The following CSGALNACT1 variants were observed in gnomAD, a reference collection of about 807,000 sequenced individuals.
The protein encoded by CSGALNACT1 is beta4GalNAcT-1.
In CSGALNACT1, 52 loss-of-function variants were observed where a neutral mutation model predicts 51.0. The observed-to-expected ratio is 1.02, with a 90% CI of 0.82 to 1.29. The LOEUF (loss-of-function observed/expected upper bound fraction) is 1.29. CSGALNACT1 is among the 50% of genes most tolerant of loss of function. The pLI is 0.00. For missense variants in CSGALNACT1, 935 were observed against 679.2 expected (o/e 1.38, Z -4.19); for synonymous variants, 341 against 254.4 (o/e 1.34, Z -3.24).
chr8:19,420,663 A>G, intron 6 of CSGALNACT1, 145 bp from the exon 6 acceptor site: 1 of 831,000 alleles, frequency 1.2e-6, no homozygotes, highest in Non-Finnish European at 2.1e-6. Flanking sequence ...AAGTTACAGA[A>G]CGGCCCAGAC....
intron 3 of CSGALNACT1, among the ~76,000 whole-genome samples, chr8:19,526,249 G>A (rs1030040536): frequency 6.6e-6 from 1 of 152,152 alleles, no homozygotes; most frequent in African/African-American, 2.4e-5. Flanking sequence ...CTTAACTAGA[G>A]GGGCAGAACA....
At chr8:19,526,483 C>T (rs772130107) in intron 3 of CSGALNACT1, among the ~76,000 whole-genome samples, 5 of 152,082 alleles carry the variant, frequency 3.3e-5, no homozygotes, top group South Asian at 4.2e-4. Flanking sequence ...CTCGGGAGAC[C>T]GAGGCAGGAT....
chr8:19,678,887 C>A (rs1197092114), intron 1 of CSGALNACT1: 1 of 152,124 alleles, frequency 6.6e-6, no homozygotes, highest in Admixed American at 6.6e-5. Flanking sequence ...GTAACTACAA[C>A]AATAATAGAA....
intron 3 of CSGALNACT1, among the ~76,000 whole-genome samples, chr8:19,566,266 T>C (rs896864055): frequency 3.9e-5 from 6 of 152,260 alleles, no homozygotes; most frequent in African/African-American, 1.4e-4. Flanking sequence ...AATGTGACCA[T>C]GATCAGAGAC....
At chr8:19,550,194 C>A (rs1432562978) in intron 3 of CSGALNACT1, among the ~76,000 whole-genome samples, 1 of 152,080 alleles carries the variant, frequency 6.6e-6, no homozygotes, top group Non-Finnish European at 1.5e-5. Flanking sequence ...TTGTGTTGCC[C>A]AGGCTGGCCT....
intron 4 of CSGALNACT1, among the ~76,000 whole-genome samples, chr8:19,485,312 T>C (rs936408238): frequency 2.0e-5 from 3 of 152,172 alleles, no homozygotes; most frequent in Admixed American, 2.0e-4. Context: ...AATCCATTAG[T>C]AAACCATGCT....
intron 2 of CSGALNACT1, among the ~76,000 whole-genome samples, chr8:19,601,510 A>C (rs992037914): frequency 6.6e-6 from 1 of 152,216 alleles, no homozygotes; most frequent in African/African-American, 2.4e-5. Flanking sequence ...CCACTCTGAG[A>C]AGAGATAAAT....
intron 4 of CSGALNACT1, among the ~76,000 whole-genome samples, chr8:19,462,354 T>C (rs1035267120): frequency 2.0e-5 from 3 of 151,874 alleles, no homozygotes; most frequent in African/African-American, 4.8e-5. Flanking sequence ...GATTTTTTTT[T>C]CCCAATGAAG....
At chr8:19,531,519 C>A (rs2082759738) in intron 3 of CSGALNACT1, among the ~76,000 whole-genome samples, 1 of 152,196 alleles carries the variant, frequency 6.6e-6, no homozygotes, top group Non-Finnish European at 1.5e-5. Flanking sequence ...GCAATGGCAT[C>A]TCCAAGTCCT....
At chr8:19,642,740 G>A (rs1411262318) in intron 1 of CSGALNACT1, among the ~76,000 whole-genome samples, 1 of 151,154 alleles carries the variant, frequency 6.6e-6, no homozygotes, top group South Asian at 2.1e-4. Context: ...GAGCTGCTGT[G>A]CTTTCACCAC....
intron 3 of CSGALNACT1, among the ~76,000 whole-genome samples, chr8:19,514,819 T>G (rs2079209217): frequency 6.6e-6 from 1 of 151,644 alleles, no homozygotes; most frequent in East Asian, 1.9e-4. Context: ...GGGGACAGAG[T>G]GAAACTCCGT....
intron 3 of CSGALNACT1, among the ~76,000 whole-genome samples, chr8:19,547,463 C>G (rs147098364): frequency 2.0e-5 from 3 of 151,856 alleles, no homozygotes; most frequent in Non-Finnish European, 2.9e-5. Flanking sequence ...CCATACTGTT[C>G]TCATGGTAAT....
intron 1 of CSGALNACT1, among the ~76,000 whole-genome samples, chr8:19,738,711 G>T (rs1032110391): frequency 6.6e-6 from 1 of 152,112 alleles, no homozygotes; most frequent in Non-Finnish European, 1.5e-5. Context: ...AAGTTTTAAA[G>T]TTAAGGGCTG....
At chr8:19,549,656 C>CTTTTTTTTTTTTTTTTTTTTTTTT (rs542956513) in intron 3 of CSGALNACT1, among the ~76,000 whole-genome samples, 1 of 83,468 alleles carries the variant, frequency 1.2e-5, no homozygotes, top group African/African-American at 4.6e-5. Context: ...CAATTTCCTA[C>CTTTTTTTTTTTTTTTTTTTTTTTT]TTTTTTTTTT....
intron 4 of CSGALNACT1, among the ~76,000 whole-genome samples, chr8:19,496,652 G>A (rs1178445886): frequency 2.6e-5 from 4 of 152,164 alleles, no homozygotes; most frequent in African/African-American, 4.8e-5. Flanking sequence ...GTGAAGTCAC[G>A]GAGCAAACAG....
intron 1 of CSGALNACT1, among the ~76,000 whole-genome samples, chr8:19,728,017 G>A (rs897746624): frequency 6.6e-6 from 1 of 152,126 alleles, no homozygotes; most frequent in South Asian, 2.1e-4. Context: ...AGTTCTACGC[G>A]CGATGCTCTG....
chr8:19,441,208 G>T (rs914333783), intron 5 of CSGALNACT1, among the ~76,000 whole-genome samples: 1 of 152,016 alleles, frequency 6.6e-6, no homozygotes, highest in African/African-American at 2.4e-5. Context: ...CACAGAATTG[G>T]AAAAAACTAC....
At chr8:19,731,572 T>C (rs1403947625) in intron 1 of CSGALNACT1, among the ~76,000 whole-genome samples, 1 of 152,102 alleles carries the variant, frequency 6.6e-6, no homozygotes, top group Non-Finnish European at 1.5e-5. Context: ...GAGAAACTGA[T>C]GCCACTTTCC....
intron 3 of CSGALNACT1, among the ~76,000 whole-genome samples, chr8:19,552,613 A>G (rs544269218): frequency 1.3e-5 from 2 of 152,324 alleles, no homozygotes; most frequent in African/African-American, 4.8e-5. Flanking sequence ...GAAATTAAAG[A>G]TGGACTTTTT....
Sources: gnomAD v4.1 joint callset for allele counts (sites outside exome capture counted in the v4.1 genomes callset) on GRCh38, gnomAD v4.1.1 for gene constraint, MANE v1.5 for transcripts, NCBI Gene and HGNC (gene_info 2026-07-23, HGNC 2026-07-21) for gene names.